The following PRR16 variants were observed in gnomAD, a reference collection of about 807,000 sequenced individuals.
The protein encoded by PRR16 is protein Largen.
PRR16 carries 6 observed loss-of-function variants against 18.2 expected under a neutral mutation model. That is an observed-to-expected ratio of 0.33 (90% CI 0.18 to 0.65). The LOEUF is 0.65. Ranked by LOEUF, PRR16 falls within the 30% of genes least tolerant of loss-of-function variation. The pLI, the probability that PRR16 is intolerant of heterozygous loss-of-function variation, is 0.74. For missense variants in PRR16, 412 were observed against 376.6 expected (o/e 1.09, Z -0.78); for synonymous variants, 151 against 147.8 (o/e 1.02, Z -0.16).
chr5:120,682,759 A>G (rs1233688967), intron 1 of PRR16, among the ~76,000 whole-genome samples: 1 of 152,182 alleles, frequency 6.6e-6, no homozygotes. Context: ...TTTATGGATA[A>G]ATTCTTTCCT....
chr5:120,631,680 C>A (rs1755059066), intron 1 of PRR16, among the ~76,000 whole-genome samples: 1 of 152,062 alleles, frequency 6.6e-6, no homozygotes, highest in Non-Finnish European at 1.5e-5. Flanking sequence ...CAAAGCAAGC[C>A]CTGCCCAAGG....
intron 1 of PRR16, among the ~76,000 whole-genome samples, chr5:120,485,922 A>G (rs1261799038): frequency 6.6e-6 from 1 of 152,128 alleles, no homozygotes; most frequent in Non-Finnish European, 1.5e-5. Flanking sequence ...TCCTTGTGAT[A>G]GTTTGCTGAG....
At chr5:120,756,624 AT>A in the PRR16 span, among the ~76,000 whole-genome samples, 1 of 151,604 alleles carries the variant, frequency 6.6e-6, no homozygotes. Flanking sequence ...TCTTTTGCCC[AT>A]TTTTTTAAAT....
the PRR16 span, among the ~76,000 whole-genome samples, chr5:120,698,343 G>A: frequency 6.6e-6 from 1 of 152,014 alleles, no homozygotes; most frequent in Non-Finnish European, 1.5e-5. Context: ...AAGAAAAACA[G>A]GTATAAAAGG....
At chr5:120,677,279 T>A (rs1349220357) in intron 1 of PRR16, among the ~76,000 whole-genome samples, 1 of 152,194 alleles carries the variant, frequency 6.6e-6, no homozygotes, top group East Asian at 1.9e-4. Context: ...CTTGCTGGAA[T>A]ATCCTCACTG....
chr5:120,716,583 A>G, the PRR16 span, among the ~76,000 whole-genome samples: 104 of 152,172 alleles, frequency 6.8e-4, no homozygotes, highest in African/African-American at 2.3e-3. Context: ...GGCTTAACAC[A>G]TGGTCCTTGG....
At chr5:120,642,039 A>G (rs1014451822) in intron 1 of PRR16, among the ~76,000 whole-genome samples, 3 of 151,928 alleles carry the variant, frequency 2.0e-5, no homozygotes, top group East Asian at 1.9e-4. Context: ...TACCCTCTAC[A>G]TCTAATCAAT....
intron 1 of PRR16, among the ~76,000 whole-genome samples, chr5:120,684,036 A>G (rs1045886364): frequency 2.6e-5 from 4 of 152,168 alleles, no homozygotes; most frequent in Non-Finnish European, 5.9e-5. Context: ...GACAGAAGTG[A>G]AAATGGAGGA....
intron 1 of PRR16, among the ~76,000 whole-genome samples, chr5:120,527,718 T>A (rs1420168770): frequency 2.6e-5 from 4 of 152,220 alleles, no homozygotes; most frequent in African/African-American, 9.6e-5. Flanking sequence ...TGCATGAGTG[T>A]TCTGCAAAGG....
chr5:120,720,189 C>G, the PRR16 span, among the ~76,000 whole-genome samples: 1 of 151,948 alleles, frequency 6.6e-6, no homozygotes, highest in Admixed American at 6.6e-5. Flanking sequence ...GGACGTCAGT[C>G]TCTGTGAATG....
At chr5:120,761,771 A>G in the PRR16 span, among the ~76,000 whole-genome samples, 1 of 152,164 alleles carries the variant, frequency 6.6e-6, no homozygotes. Context: ...TATTGTTGTT[A>G]ACAATACTCA....
intron 1 of PRR16, 49 bp from the exon 2 acceptor site, chr5:120,685,905 A>C: frequency 6.5e-7 from 1 of 1,538,668 alleles, no homozygotes; most frequent in South Asian, 1.2e-5. Flanking sequence ...TTTCTAGTAT[A>C]CTTTGTTTGG....
At chr5:120,766,042 G>A in the PRR16 span, among the ~76,000 whole-genome samples, 1 of 151,928 alleles carries the variant, frequency 6.6e-6, no homozygotes, top group Non-Finnish European at 1.5e-5. Flanking sequence ...TTGCAGTTTA[G>A]GGCTATTATA....
intron 1 of PRR16, among the ~76,000 whole-genome samples, chr5:120,553,534 T>TC (rs781657878): frequency 6.6e-6 from 1 of 151,944 alleles, no homozygotes; most frequent in Non-Finnish European, 1.5e-5. Flanking sequence ...ATTTGTAAGA[T>TC]CATTAGATCA....
At chr5:120,464,789 C>T (rs557786939) in intron 1 of PRR16, 144 bp downstream of exon 1, 3 of 865,844 alleles carry the variant, frequency 3.5e-6, no homozygotes, top group Non-Finnish European at 5.1e-6. Flanking sequence ...TTCTTTGCTC[C>T]TGGAGTCCTG....
chr5:120,575,612 A>G (rs1261307333), intron 1 of PRR16, among the ~76,000 whole-genome samples: 1 of 152,174 alleles, frequency 6.6e-6, no homozygotes, highest in African/African-American at 2.4e-5. Context: ...ACATTCTTTT[A>G]TGATAAAAAC....
At chr5:120,518,926 T>C (rs948108403) in intron 1 of PRR16, among the ~76,000 whole-genome samples, 1 of 152,192 alleles carries the variant, frequency 6.6e-6, no homozygotes, top group African/African-American at 2.4e-5. Flanking sequence ...GAGAACAAGA[T>C]AGAAAAGGCA....
chr5:120,606,023 G>A (rs1754143458), intron 1 of PRR16, among the ~76,000 whole-genome samples: 1 of 152,204 alleles, frequency 6.6e-6, no homozygotes, highest in South Asian at 2.1e-4. Flanking sequence ...GGGGGATGCA[G>A]GTGAGTGAAC....
chr5:120,662,396 A>G (rs1756203163), intron 1 of PRR16, among the ~76,000 whole-genome samples: 1 of 152,010 alleles, frequency 6.6e-6, no homozygotes, highest in African/African-American at 2.4e-5. Flanking sequence ...TACTTCATGC[A>G]TATTATTTAT....
Sources: allele counts gnomAD v4.1 joint callset (sites outside exome capture counted in the v4.1 genomes callset), GRCh38; gene constraint gnomAD v4.1.1; transcripts MANE v1.5; gene names NCBI Gene and HGNC (gene_info 2026-07-23, HGNC 2026-07-21).